Variants in EBF1 observed in about 807,000 individuals in gnomAD.
EBF1 encodes the protein transcription factor COE1.
Under a neutral mutation model 68.4 loss-of-function variants are expected in EBF1, and 10 were observed. The ratio of observed to expected loss-of-function variants is 0.15; its 90% confidence interval spans 0.09 to 0.25. The LOEUF (loss-of-function observed/expected upper bound fraction) is 0.25. Ranked by LOEUF, EBF1 falls within the 10% of genes least tolerant of loss-of-function variation. The pLI, the probability that EBF1 is intolerant of heterozygous loss-of-function variation, is 1.00. For synonymous variants in EBF1, 298 were observed against 299.8 expected, an observed-to-expected ratio of 0.99 and a Z score of 0.06; for missense variants, 509 against 794.4, an observed-to-expected ratio of 0.64 and a Z score of 4.32.
rs191991719 is a variant in EBF1, at chr5:158,700,558, G to A, written c.1745-1416C>T. On this transcript the variant is annotated intron_variant, in intron 15 of 15. Transcript: ENST00000313708. ...CCCCAGTACCACAAATCCTGCAAGTGGACACAGGGAGGCCACCCTGGGCTC... is the reference window on the plus strand; with the variant it reads ...CCCCAGTACCACAAATCCTGCAAGTAGACACAGGGAGGCCACCCTGGGCTC... Among the ~76,000 whole-genome samples, 226 of 150,016 alleles carry A rather than the reference G, an allele frequency of 1.5e-3. 1 individual carries two copies. The highest frequency in any genetic ancestry group is 0.011 in the East Asian group (56 of 5,132).
chr5:158,939,232 G>A (rs1812727489), intron 6 of EBF1, among the ~76,000 whole-genome samples: 1 of 152,144 alleles, frequency 6.6e-6, no homozygotes, highest in Non-Finnish European at 1.5e-5. Flanking sequence ...AGATAAACTA[G>A]AAACTAACCC....
chr5:158,783,770 G>T (rs191119057), intron 9 of EBF1, among the ~76,000 whole-genome samples: 2 of 152,192 alleles, frequency 1.3e-5, no homozygotes, highest in Non-Finnish European at 2.9e-5. Context: ...GTGGTTGAAT[G>T]GGGCCTCTCC....
intron 6 of EBF1, among the ~76,000 whole-genome samples, chr5:159,053,923 C>T (rs941323887): frequency 3.9e-5 from 6 of 152,354 alleles, no homozygotes; most frequent in East Asian, 1.9e-4. Context: ...ATAAGGACCT[C>T]GCCTTAGGGC....
intron 5 of EBF1, among the ~76,000 whole-genome samples, chr5:159,074,616 A>G (rs1190183812): frequency 6.6e-6 from 1 of 152,222 alleles, no homozygotes; most frequent in Non-Finnish European, 1.5e-5. Context: ...GGACCCAGAA[A>G]TATACTCCTG....
chr5:158,966,234 C>G (rs756665632), intron 6 of EBF1, among the ~76,000 whole-genome samples: 1 of 152,112 alleles, frequency 6.6e-6, no homozygotes, highest in Admixed American at 6.5e-5. Context: ...ACTTTCCCTT[C>G]TAAGAAAGAG....
At chr5:158,974,979 G>A (rs552076652) in intron 6 of EBF1, among the ~76,000 whole-genome samples, 1 of 152,122 alleles carries the variant, frequency 6.6e-6, no homozygotes, top group African/African-American at 2.4e-5. Context: ...AGAAGAAAAT[G>A]CCATCCAGAG....
intron 8 of EBF1, among the ~76,000 whole-genome samples, chr5:158,806,275 G>C (rs908987241): frequency 6.6e-6 from 1 of 152,098 alleles, no homozygotes; most frequent in Non-Finnish European, 1.5e-5. Context: ...AACAAGGTGC[G>C]AACGAAAGAA....
At chr5:159,093,125 C>T (rs951673533) in intron 4 of EBF1, among the ~76,000 whole-genome samples, 10 of 152,248 alleles carry the variant, frequency 6.6e-5, no homozygotes, top group Admixed American at 1.3e-4. Context: ...AGCTTCTTCA[C>T]GCTCATCTAT....
intron 6 of EBF1, among the ~76,000 whole-genome samples, chr5:158,953,523 C>A (rs553610232): frequency 7.6e-4 from 115 of 152,258 alleles, no homozygotes; most frequent in African/African-American, 2.6e-3. Context: ...CCAGTTTAAT[C>A]CTCCACTGTC....
intron 6 of EBF1, among the ~76,000 whole-genome samples, chr5:158,882,992 C>T (rs957525684): frequency 6.6e-6 from 1 of 152,022 alleles, no homozygotes; most frequent in Non-Finnish European, 1.5e-5. Flanking sequence ...GTGTTTCTTC[C>T]TTCATTCCTC....
intron 10 of EBF1, among the ~76,000 whole-genome samples, chr5:158,735,153 C>T (rs1461033795): frequency 1.3e-5 from 2 of 152,046 alleles, no homozygotes; most frequent in Admixed American, 6.5e-5. Flanking sequence ...ACAAACTTTC[C>T]GAAAGGTACA....
chr5:158,930,577 C>T (rs1426248106), intron 6 of EBF1, among the ~76,000 whole-genome samples: 2 of 152,168 alleles, frequency 1.3e-5, no homozygotes, highest in African/African-American at 4.8e-5. Flanking sequence ...ACTTTGGATA[C>T]TTTTTTCTTT....
chr5:159,001,492 C>A (rs1166395389), intron 6 of EBF1, among the ~76,000 whole-genome samples: 1 of 152,114 alleles, frequency 6.6e-6, no homozygotes, highest in Non-Finnish European at 1.5e-5. Flanking sequence ...ACCCCTGGTG[C>A]AAATCATTTC....
chr5:158,886,420 T>C (rs1800056944), intron 6 of EBF1, among the ~76,000 whole-genome samples: 1 of 152,352 alleles, frequency 6.6e-6, no homozygotes, highest in African/African-American at 2.4e-5. Flanking sequence ...GCACTGGTGT[T>C]TTCGAGTCCA....
At chr5:158,812,109 C>T (rs1280590527) in intron 8 of EBF1, among the ~76,000 whole-genome samples, 2 of 152,172 alleles carry the variant, frequency 1.3e-5, no homozygotes, top group Non-Finnish European at 2.9e-5. Flanking sequence ...CGTCATAATG[C>T]TAACAACTGT....
At chr5:158,926,060 G>C (rs1472646003) in intron 6 of EBF1, among the ~76,000 whole-genome samples, 2 of 152,118 alleles carry the variant, frequency 1.3e-5, no homozygotes, top group East Asian at 1.9e-4. Flanking sequence ...AAAGCAAATA[G>C]TGCCTGCTTA....
intron 11 of EBF1, among the ~76,000 whole-genome samples, chr5:158,730,638 G>A (rs934738204): frequency 6.6e-6 from 1 of 152,192 alleles, no homozygotes; most frequent in African/African-American, 2.4e-5. Context: ...ACGGATCCTC[G>A]TAGACAGAAA....
chr5:158,867,989 AT>A (rs200474444), intron 6 of EBF1, among the ~76,000 whole-genome samples: 2,969 of 150,752 alleles, frequency 0.02, 97 homozygotes, highest in African/African-American at 0.065. Context: ...CAAAAGCTTA[AT>A]TTTTTTTTTC....
At chr5:158,910,716 G>A (rs531954494) in intron 6 of EBF1, among the ~76,000 whole-genome samples, 170 of 152,254 alleles carry the variant, frequency 1.1e-3, no homozygotes, top group African/African-American at 4.0e-3. Context: ...TATGGTTTAT[G>A]GAAAAACCTG....
Sources: gnomAD v4.1 joint callset for allele counts (sites outside exome capture counted in the v4.1 genomes callset) on GRCh38, gnomAD v4.1.1 for gene constraint, MANE v1.5 for transcripts, NCBI Gene and HGNC (gene_info 2026-07-23, HGNC 2026-07-21) for gene names.